The following ATP13A2 variants were observed in gnomAD, a reference collection of about 807,000 sequenced individuals.
ATP13A2 encodes the protein polyamine-transporting ATPase 13A2.
ATP13A2 carries 83 observed loss-of-function variants against 138.3 expected under a neutral mutation model. The ratio of observed to expected loss-of-function variants is 0.60; its 90% CI spans 0.50 to 0.72. The LOEUF is 0.72. ATP13A2 is among the 30% of genes least tolerant of loss of function. The probability of loss-of-function intolerance (pLI) is 0.00; values close to 1 mark genes in which losing one functional copy is unlikely to be tolerated. For synonymous variants in ATP13A2, 663 were observed against 699.0 expected, an observed-to-expected ratio of 0.95 and a Z score of 0.81; for missense variants, 1,402 against 1,606.4, an observed-to-expected ratio of 0.87 and a Z score of 2.17.
intron 11 of ATP13A2, among the ~76,000 whole-genome samples, chr1:16,997,390 T>G (rs2077169562): frequency 8.0e-6 from 1 of 125,118 alleles, no homozygotes; most frequent in Non-Finnish European, 1.6e-5. Flanking sequence ...TGGAAGCAGG[T>G]GGCAGCCAGC....
At chr1:17,008,230 C>T (rs1276914571) in intron 1 of ATP13A2, among the ~76,000 whole-genome samples, 1 of 151,970 alleles carries the variant, frequency 6.6e-6, no homozygotes, top group African/African-American at 2.4e-5. Context: ...GCAGCCTTGA[C>T]CTCCCAGGCT....
intron 1 of ATP13A2, among the ~76,000 whole-genome samples, chr1:17,009,596 G>C: frequency 6.6e-6 from 1 of 151,786 alleles, no homozygotes; most frequent in Non-Finnish European, 1.5e-5. Context: ...GTCTCATTTT[G>C]TTGCCCAGGC....
intron 1 of ATP13A2, 122 bp from the exon 2 acceptor site, chr1:17,005,900 C>T (rs536866034): frequency 2.7e-5 from 24 of 876,590 alleles, no homozygotes; most frequent in African/African-American, 1.5e-4. Flanking sequence ...TTTGGGAGGC[C>T]GAGGCGGGTG....
At position 16,992,552 on chromosome 1, in the gene ATP13A2, TG is replaced by T. The variant is rs774535203; in HGVS notation, c.1778del (p.Ser593Ter). On this transcript the variant is annotated frameshift_variant, in exon 17 of 29. Transcript: ENST00000326735. LOFTEE classifies it high-confidence loss of function. ...WVLEEEPAAD[S>X]AFGTQVLAVM... ...CTGCCAAGACCTGGGTCCCAAATGC[TG>T]AGTCTGCAGCCGGCTCTTCCTCCAG... 6.2e-7 allele frequency: 1 copy of T among 1,614,190 alleles called. No individual in the cohort carries two copies. Among genetic ancestry groups the T allele is most frequent in the Non-Finnish European group, 8.5e-7 (1 of 1,180,016 alleles).
rs1380765219 is a variant in ATP13A2 at position 16,987,175 on chromosome 1, A to G, written c.2954T>C (p.Leu985Pro). The G allele has an allele frequency of 1.2e-6, 2 of 1,613,490 alleles. No homozygotes were observed. The highest frequency in any genetic ancestry group is 1.7e-6 in the Non-Finnish European group (2 of 1,179,842). The part of the protein sequence containing the change: ...AVLMSRTGPA[L>P]VLGRVRPPGA... ...CGGTGGCCGCACCCGTCCCAGGACC[A>G]GCGCTGGCCCCGTGCGGCTCATGAG... Residue 985 changes from leucine to proline, a missense_variant, in exon 26 of 29, where the codon CTG (leucine) becomes CCG (proline). Physicochemically the swap from Leu to Pro is moderately conservative, Grantham distance 98. Coordinates refer to ENST00000326735, the MANE Select transcript of ATP13A2 (RefSeq NM_022089.4).
At chr1:17,003,174 T>A (rs989081462) in intron 6 of ATP13A2, among the ~76,000 whole-genome samples, 1 of 152,084 alleles carries the variant, frequency 6.6e-6, no homozygotes, top group African/African-American at 2.4e-5. Flanking sequence ...CGTGCTTCCA[T>A]CCCTTCCCCA....
intron 24 of ATP13A2, 27 bp from the exon 25 acceptor site, chr1:16,988,261 G>C (rs1354219115): frequency 6.2e-7 from 1 of 1,614,058 alleles, no homozygotes; most frequent in Non-Finnish European, 8.5e-7. Context: ...GGACATTAGG[G>C]GACCCAGGTT....
chr1:16,987,022 G>T (rs55885047), intron 26 of ATP13A2, 24 bp downstream of exon 26: 1 of 1,612,836 alleles, frequency 6.2e-7, no homozygotes, highest in South Asian at 1.1e-5. Flanking sequence ...CGGGATGGGG[G>T]TGGTCAGTCA....
chr1:16,995,723 G>C lies in ATP13A2; in HGVS notation c.1542+253C>G. ...AGCCTCCCAAAGTGCTGGGATTACA[G>C]ACGTGAGCCACCGCGCCCGGCCCCC... On this transcript the variant is annotated intron_variant, in intron 15 of 28. Transcript: ENST00000326735. The surrounding 1 kb of genome is among the most constrained non-coding windows in gnomAD (Gnocchi z 4.1). 1.7e-6 allele frequency: 1 copy of C among 576,344 alleles called. No homozygotes were observed. Among genetic ancestry groups the C allele is most frequent in the Non-Finnish European group, 3.2e-6 (1 of 312,948 alleles). The allele number at this position is 576,344 out of a possible 1,614,324, so 35.7% of individuals were successfully genotyped here.
chr1:17,005,435 C>T lies in ATP13A2; in HGVS notation c.227G>A (p.Arg76Gln), dbSNP rs536805463. 1.6e-5 allele frequency: 26 copies of T among 1,613,722 alleles called. No homozygotes were observed. Among genetic ancestry groups the T allele is most frequent in the Non-Finnish European group, 2.0e-5 (24 of 1,179,848 alleles). The change falls in exon 3 of 29, where the codon CGG becomes CAG. Residue 76 changes from arginine (R) to glutamine (Q), a missense_variant. Arg to Gln is a conservative substitution (Grantham distance 43, BLOSUM62 1). Transcript: ENST00000326735. ...RWKPLWGVRL[R>Q]LRPCNLAHAE... ...GTGGGCCAGGTTGCAGGGCCGGAGC[C>T]GCAGCCGCACCCCCCACAGGGGCTT...
intron 8 of ATP13A2, chr1:17,000,785 T>C (rs918058071): frequency 2.0e-5 from 10 of 496,694 alleles, no homozygotes; most frequent in Non-Finnish European, 3.6e-5. Flanking sequence ...CTACAAAAAA[T>C]ACAAAAATTA....
intron 1 of ATP13A2, among the ~76,000 whole-genome samples, chr1:17,007,193 C>A (rs919009065): frequency 6.6e-6 from 1 of 152,154 alleles, no homozygotes; most frequent in Non-Finnish European, 1.5e-5. Flanking sequence ...ATTCTTTTCA[C>A]TCCTTCCTCC....
rs1413632491 is a variant in ATP13A2, at chr1:16,989,959, T to C, written c.2457A>G (p.Arg819=). ...AASYTVEPDP[R]SRHLALSGPT... ...GCCCGCTGAGGGCCAGGTGCCTGGA[T>C]CGGGGGTCTGGCTCCACGGTGTAGC... is the stretch of plus-strand genomic sequence containing the variant. Residue 819 remains arginine, a synonymous_variant, in exon 22 of 29, where the codon CGA becomes CGG. Transcript: ENST00000326735. 6.2e-7 allele frequency: 1 copy of C among 1,606,894 alleles called. No homozygotes were observed. The highest frequency in any genetic ancestry group is 1.3e-5 in the African/African-American group (1 of 74,956).
At chr1:16,994,145 T>G (rs1286063477) in intron 15 of ATP13A2, among the ~76,000 whole-genome samples, 2 of 152,128 alleles carry the variant, frequency 1.3e-5, no homozygotes, top group Admixed American at 6.5e-5. Flanking sequence ...TTCCCCACAC[T>G]TGTGCATTGT....
chr1:17,009,848 G>C (rs997487479), intron 1 of ATP13A2, among the ~76,000 whole-genome samples: 31 of 152,164 alleles, frequency 2.0e-4, no homozygotes, highest in African/African-American at 6.8e-4. Flanking sequence ...AAGAGGAAAA[G>C]GGGAGTGGAA....
intron 17 of ATP13A2, 26 bp from the exon 18 acceptor site, chr1:16,992,428 G>A: frequency 3.1e-6 from 5 of 1,613,546 alleles, no homozygotes; most frequent in Non-Finnish European, 4.2e-6. Context: ...GGCAGCTGAG[G>A]TGCTGGCTGG....
In ATP13A2 at chr1:17,000,238, C is replaced by T. The variant is rs1304197302; in HGVS notation, c.907+8G>A. 2.6e-6 allele frequency: 4 copies of T among 1,557,852 alleles called. No individual in the cohort carries two copies. The highest frequency in any genetic ancestry group is 3.5e-6 in the Non-Finnish European group (4 of 1,151,234). On this transcript the variant is annotated splice_region_variant and intron_variant, in intron 10 of 28. Transcript: ENST00000326735. The stretch of plus-strand genomic sequence containing the variant: ...CCTGCCCCCGCCCCCTGGGCCCTAG[C>T]TCCTCACCTCCCCCTGGCCGGCACA...
chr1:16,994,929 C>T (rs566246092), intron 15 of ATP13A2, among the ~76,000 whole-genome samples: 7 of 152,072 alleles, frequency 4.6e-5, no homozygotes, highest in African/African-American at 7.2e-5. Context: ...CCCGAAGTGC[C>T]GGGATTCCAG....
At chr1:16,994,546 T>C (rs1187192709) in intron 15 of ATP13A2, among the ~76,000 whole-genome samples, 10 of 151,822 alleles carry the variant, frequency 6.6e-5, no homozygotes, top group Non-Finnish European at 1.5e-4. Flanking sequence ...ATATATCTGT[T>C]GAATGAGCGC....
Sources: gnomAD v4.1 joint callset for allele counts (sites outside exome capture counted in the v4.1 genomes callset) on GRCh38, gnomAD v4.1.1 for gene constraint, Gnocchi (gnomAD v3.1) non-coding constraint, MANE v1.5 for transcripts, NCBI Gene and HGNC (gene_info 2026-07-23, HGNC 2026-07-21) for gene names.